The following HHIPL1 variants were observed in gnomAD, a reference collection of about 807,000 sequenced individuals.
The protein encoded by HHIPL1 is HHIP like 1, also known as HHIP-like protein 1.
HHIPL1 carries 43 observed loss-of-function variants against 61.8 expected under a neutral mutation model. That is an observed-to-expected ratio of 0.70 (90% CI 0.55 to 0.90). The LOEUF (loss-of-function observed/expected upper bound fraction) is 0.90, where lower values mean the gene tolerates loss of function less well. HHIPL1 is among the 40% of genes least tolerant of loss of function. The pLI is 0.00. For missense variants in HHIPL1, 1,056 were observed against 1,157.7 expected (o/e 0.91, Z 1.28); for synonymous variants, 482 against 515.8 (o/e 0.93, Z 0.89).
At chr14:99,608,270 G>A in the HHIPL1 span, among the ~76,000 whole-genome samples, 2 of 152,256 alleles carry the variant, frequency 1.3e-5, no homozygotes, top group Non-Finnish European at 1.5e-5. Flanking sequence ...CCCTTTCCCT[G>A]GGAGCTCTGA....
chr14:99,668,354 T>C lies in HHIPL1; in HGVS notation c.1730+51T>C, dbSNP rs2056281221. On this transcript the variant is annotated intron_variant, in intron 7 of 8. Transcript: ENST00000330710. This position sits in a 1 kb window ranked among gnomAD's most constrained non-coding sequence, Gnocchi z 4.7. ...AGCTCCTGCTGTCTGTCAGGCCTCT[T>C]AGCTCCACGGGCTTGTCCCCTCCGC... 1 of 1,102,726 alleles carries C rather than the reference T, an allele frequency of 9.1e-7. No homozygotes were observed. Among genetic ancestry groups the C allele is most frequent in the Non-Finnish European group, 1.4e-6 (1 of 714,460 alleles). 68.3% of individuals were successfully genotyped at this position (1,102,726 alleles called of 1,614,324 possible).
chr14:99,656,653 G>A (rs766319832), intron 2 of HHIPL1, among the ~76,000 whole-genome samples: 1 of 151,658 alleles, frequency 6.6e-6, no homozygotes, highest in Non-Finnish European at 1.5e-5. Context: ...GCGGGCACCT[G>A]TGATCCCAGC....
At chr14:99,641,227 G>A (rs890912334), upstream of HHIPL1, among the ~76,000 whole-genome samples, 7 of 152,032 alleles carry the variant, frequency 4.6e-5, no homozygotes, top group Non-Finnish European at 7.4e-5. Flanking sequence ...TCGTAGGGCA[G>A]ATCTGCTGGT....
At position 99,671,218 on chromosome 14, in the gene HHIPL1, G is replaced by A. The variant is rs375897198; in HGVS notation, c.1731-1099G>A. Among the ~76,000 whole-genome samples the A allele has an allele frequency of 1.5e-4, 23 of 152,336 alleles. No homozygotes were observed. The South Asian group carries it at 4.6e-3, about 30-fold the overall frequency. On this transcript the variant is annotated intron_variant, in intron 7 of 8. Coordinates refer to ENST00000330710, the MANE Select transcript of HHIPL1 (RefSeq NM_001127258.3). Reference sequence around the variant, plus strand: ...ATGGGGAGTGGAGGAGGTAGGGTCAGGTCATCTGTTACTACCCACACGTAA... The same window carrying A: ...ATGGGGAGTGGAGGAGGTAGGGTCAAGTCATCTGTTACTACCCACACGTAA...
chr14:99,609,859 C>G, the HHIPL1 span, among the ~76,000 whole-genome samples: 1 of 152,234 alleles, frequency 6.6e-6, no homozygotes, highest in Non-Finnish European at 1.5e-5. Context: ...CAAGTATAAC[C>G]TGATGGCAGT....
intron 1 of HHIPL1, among the ~76,000 whole-genome samples, chr14:99,651,721 G>C (rs116653491): frequency 1.3e-3 from 193 of 152,338 alleles, no homozygotes; most frequent in African/African-American, 4.2e-3. Flanking sequence ...AGAGGCAGGA[G>C]CTGATGATGG....
the HHIPL1 span, among the ~76,000 whole-genome samples, chr14:99,625,947 G>C: frequency 3.3e-5 from 5 of 152,156 alleles, no homozygotes; most frequent in Non-Finnish European, 7.3e-5. Flanking sequence ...CTGCATAACA[G>C]TGCAAAATTC....
chr14:99,637,465 G>T, the HHIPL1 span, among the ~76,000 whole-genome samples: 1 of 149,886 alleles, frequency 6.7e-6, no homozygotes, highest in Non-Finnish European at 1.5e-5. Flanking sequence ...CCAGCTACTT[G>T]GGAGGCTGAG....
At chr14:99,664,751 G>A (rs2056214844) in intron 6 of HHIPL1, among the ~76,000 whole-genome samples, 1 of 151,870 alleles carries the variant, frequency 6.6e-6, no homozygotes, top group Admixed American at 6.6e-5. Context: ...GTCCCACCAA[G>A]GGAAAACATC....
At chr14:99,621,346 A>G in the HHIPL1 span, among the ~76,000 whole-genome samples, 1 of 152,112 alleles carries the variant, frequency 6.6e-6, no homozygotes, top group Admixed American at 6.6e-5. Flanking sequence ...GCGATAGTTC[A>G]TCGCAGGCAC....
the HHIPL1 span, among the ~76,000 whole-genome samples, chr14:99,637,043 GAA>G: frequency 1.1e-3 from 98 of 90,414 alleles, 3 homozygotes; most frequent in Middle Eastern, 0.012. Context: ...AAGAAAGAAA[GAA>G]AGAAGGAAGG....
At chr14:99,632,923 A>G in the HHIPL1 span, among the ~76,000 whole-genome samples, 4 of 151,006 alleles carry the variant, frequency 2.6e-5, no homozygotes, top group Non-Finnish European at 5.9e-5. Context: ...GACTATTTGC[A>G]TGTATGGATG....
chr14:99,666,140 T>C (rs115066093), intron 6 of HHIPL1, among the ~76,000 whole-genome samples: 1,736 of 152,294 alleles, frequency 0.011, 24 homozygotes, highest in African/African-American at 0.04. Flanking sequence ...GTTACAATAA[T>C]ATTTTTAGGT....
chr14:99,659,577 G>A lies in HHIPL1; in HGVS notation c.1196G>A (p.Cys399Tyr). The A allele has an allele frequency of 1.9e-6, 3 of 1,552,636 alleles. No homozygotes were observed. Among genetic ancestry groups the A allele is most frequent in the Non-Finnish European group, 1.7e-6 (2 of 1,152,384 alleles). The change falls in exon 4 of 9, where the codon TGC becomes TAC. Residue 399 changes from cysteine (C) to tyrosine (Y), a missense_variant. Coordinates refer to ENST00000330710, the MANE Select transcript of HHIPL1 (RefSeq NM_001127258.3). ...YALGVRNMWRCSFDRGDPSSG... is the reference protein window; with the variant it reads ...YALGVRNMWRYSFDRGDPSSG... ...CTGGGCGTGCGCAACATGTGGCGCT[G>A]CTCCTTCGACCGTGGCGACCCCTCC... is the stretch of plus-strand genomic sequence containing the variant.
rs1215136265 is a variant in HHIPL1, at chr14:99,672,414, G to C, written c.1813+15G>C. The C allele has an allele frequency of 6.5e-7, 1 of 1,546,534 alleles. No homozygotes were observed. ...GCCCAAAGAAAGTAAGTGCCTGCCA[G>C]TGGGACACTGAGGGTTGGGGGAGAG... On this transcript the variant is annotated intron_variant, in intron 8 of 8. Transcript: ENST00000330710.
At chr14:99,656,015 G>C (rs2056021673) in intron 2 of HHIPL1, among the ~76,000 whole-genome samples, 1 of 152,228 alleles carries the variant, frequency 6.6e-6, no homozygotes, top group African/African-American at 2.4e-5. Flanking sequence ...CTGGAAGCCA[G>C]CTGGCTGGGA....
chr14:99,633,940 G>A, the HHIPL1 span, among the ~76,000 whole-genome samples: 1 of 152,246 alleles, frequency 6.6e-6, no homozygotes, highest in Non-Finnish European at 1.5e-5. Context: ...GAAAAGCACT[G>A]AGTGTGAAGT....
chr14:99,628,419 A>C, the HHIPL1 span, among the ~76,000 whole-genome samples: 1 of 152,026 alleles, frequency 6.6e-6, no homozygotes, highest in Non-Finnish European at 1.5e-5. Flanking sequence ...GTCTCTACTA[A>C]AAATACAAAA....
intron 1 of HHIPL1, among the ~76,000 whole-genome samples, chr14:99,646,832 G>GATATC (rs1555376306): frequency 1.7e-5 from 2 of 115,004 alleles, no homozygotes; most frequent in Admixed American, 1.9e-4. Flanking sequence ...GATATGATAT[G>GATATC]ATATAATATA....
Sources: allele counts gnomAD v4.1 joint callset (sites outside exome capture counted in the v4.1 genomes callset), GRCh38; gene constraint gnomAD v4.1.1; non-coding constraint Gnocchi (gnomAD v3.1); transcripts MANE v1.5; gene names NCBI Gene and HGNC (gene_info 2026-07-23, HGNC 2026-07-21).